Variants in FAF2 observed in about 807,000 individuals in gnomAD.
The protein encoded by FAF2 is FAS-associated factor 2.
A neutral mutation model predicts 62.3 loss-of-function variants in FAF2; 9 were observed. The ratio of observed to expected loss-of-function variants is 0.14; its 90% CI spans 0.09 to 0.25. The LOEUF (loss-of-function observed/expected upper bound fraction) is 0.25. Ranked by LOEUF, FAF2 falls within the 10% of genes least tolerant of loss-of-function variation. The pLI is 1.00. For synonymous variants in FAF2, 202 were observed against 198.0 expected (o/e 1.02, Z -0.17); for missense variants, 368 against 556.2 (o/e 0.66, Z 3.40).
At chr5:176,503,164 T>A (rs1755623054) in intron 10 of FAF2, among the ~76,000 whole-genome samples, 1 of 152,186 alleles carries the variant, frequency 6.6e-6, no homozygotes, top group East Asian at 1.9e-4. Flanking sequence ...AAGTGTGTAA[T>A]GTAGCAGTGC....
At chr5:176,467,129 C>CTTTTTTT (rs374702773) in intron 1 of FAF2, among the ~76,000 whole-genome samples, 1 of 94,046 alleles carries the variant, frequency 1.1e-5, no homozygotes, top group African/African-American at 4.5e-5. Context: ...TTTTTTTTTC[C>CTTTTTTT]TTTTTTTTTT....
intron 2 of FAF2, among the ~76,000 whole-genome samples, chr5:176,483,459 T>C (rs1370591109): frequency 1.3e-5 from 2 of 152,184 alleles, no homozygotes; most frequent in African/African-American, 2.4e-5. Context: ...GATCTAGGGG[T>C]TAATCCACTT....
intron 1 of FAF2, among the ~76,000 whole-genome samples, chr5:176,466,145 A>G (rs992861883): frequency 6.6e-6 from 1 of 152,210 alleles, no homozygotes. Context: ...TGTGAATAAT[A>G]AAGATCTGAG....
At chr5:176,467,499 C>T (rs140888284) in intron 1 of FAF2, among the ~76,000 whole-genome samples, 1,694 of 152,218 alleles carry the variant, frequency 0.011, 20 homozygotes, top group Non-Finnish European at 0.017. Context: ...ACCTGGCTAA[C>T]TTTTTTGTAT....
At chr5:176,491,866 A>G (rs1158939288) in intron 4 of FAF2, among the ~76,000 whole-genome samples, 1 of 152,202 alleles carries the variant, frequency 6.6e-6, no homozygotes, top group African/African-American at 2.4e-5. Flanking sequence ...AGCCTGACAC[A>G]TGATCTTTTT....
chr5:176,493,121 A>G (rs572690358), intron 5 of FAF2, among the ~76,000 whole-genome samples: 6 of 152,360 alleles, frequency 3.9e-5, no homozygotes, highest in Admixed American at 6.5e-5. Flanking sequence ...TGCTGTGGCA[A>G]TAGGCAAAAG....
At chr5:176,461,480 G>T (rs1758377086) in intron 1 of FAF2, among the ~76,000 whole-genome samples, 1 of 148,576 alleles carries the variant, frequency 6.7e-6, no homozygotes, top group African/African-American at 2.4e-5. Flanking sequence ...ACCACACTGG[G>T]CTAATTTTTT....
intron 1 of FAF2, among the ~76,000 whole-genome samples, chr5:176,450,744 G>A (rs1223044499): frequency 6.6e-6 from 1 of 152,046 alleles, no homozygotes; most frequent in Non-Finnish European, 1.5e-5. Context: ...TAGTAGAGAC[G>A]GGGTTTCACG....
intron 1 of FAF2, among the ~76,000 whole-genome samples, chr5:176,476,529 GGAAA>G (rs1440467490): frequency 6.6e-6 from 1 of 151,800 alleles, no homozygotes; most frequent in Non-Finnish European, 1.5e-5. Flanking sequence ...TCATAAGATA[GGAAA>G]CAATAGGCAC....
intron 2 of FAF2, 73 bp from the exon 3 acceptor site, chr5:176,486,282 T>C (rs1758874776): frequency 1.9e-6 from 3 of 1,585,504 alleles, no homozygotes; most frequent in Admixed American, 1.7e-5. Flanking sequence ...TACCACGCAA[T>C]AGTTGCCTCA....
Position 176,509,807 on chromosome 5 carries a change from A to C in FAF2, c.*2857A>C, listed in dbSNP as rs1755747760. 1 of 152,670 alleles carries C rather than the reference A, an allele frequency of 6.6e-6. No homozygotes were observed. Among genetic ancestry groups the C allele is most frequent in the African/African-American group, 2.4e-5 (1 of 41,470 alleles). The allele number at this position is 152,670 out of a possible 1,614,324, so 9.5% of individuals were successfully genotyped here. A position where few individuals can be genotyped will look rare whatever the true frequency, so the allele number is the denominator to read the frequency against. On this transcript the variant is annotated 3_prime_UTR_variant, in exon 11 of 11. Transcript: ENST00000261942. ...AAAGAGTTTCAGAAAATGACTGAGA[A>C]GGAGCGATAACCCCCAGAATGCAAA...
intron 4 of FAF2, among the ~76,000 whole-genome samples, chr5:176,490,629 G>A (rs985041120): frequency 1.3e-5 from 2 of 152,110 alleles, no homozygotes; most frequent in African/African-American, 2.4e-5. Flanking sequence ...TGTTTTATGA[G>A]GCTGTCTACT....
chr5:176,470,365 G>A (rs953587672), intron 1 of FAF2, among the ~76,000 whole-genome samples: 4 of 152,228 alleles, frequency 2.6e-5, no homozygotes, highest in African/African-American at 7.2e-5. Flanking sequence ...ATCACCTGAG[G>A]TCGGGAGTTC....
intron 1 of FAF2, among the ~76,000 whole-genome samples, chr5:176,474,061 A>G (rs1758619892): frequency 6.6e-6 from 1 of 152,298 alleles, no homozygotes; most frequent in East Asian, 1.9e-4. Flanking sequence ...TGCTACTGGG[A>G]TGTTGTGGCT....
At chr5:176,448,496 G>C (rs1313647813) in intron 1 of FAF2, 26 bp downstream of exon 1, 3 of 1,577,146 alleles carry the variant, frequency 1.9e-6, no homozygotes, top group African/African-American at 2.7e-5. Context: ...CGGTGCAGCA[G>C]ATGCCTCCGT....
chr5:176,482,487 A>G (rs1758798771), intron 2 of FAF2, among the ~76,000 whole-genome samples: 1 of 152,128 alleles, frequency 6.6e-6, no homozygotes, highest in South Asian at 2.1e-4. Context: ...TCCTGGAATT[A>G]CAGGCGTAAG....
At chr5:176,463,725 T>A (rs1274593879) in intron 1 of FAF2, among the ~76,000 whole-genome samples, 1 of 125,610 alleles carries the variant, frequency 8.0e-6, no homozygotes, top group Middle Eastern at 4.0e-3. Flanking sequence ...TTATTGCATG[T>A]TTTTTTTTTT....
At position 176,488,718 on chromosome 5, in the gene FAF2, G is replaced by A. The variant is rs550015442; in HGVS notation, c.268-233G>A. ...GATTACAGGCAGGAGATACAGCTCTGGACCTTAAAGCAGATTTAATACAAA... is the reference window on the plus strand; with the variant it reads ...GATTACAGGCAGGAGATACAGCTCTAGACCTTAAAGCAGATTTAATACAAA... On this transcript the variant is annotated intron_variant, in intron 3 of 10. Coordinates refer to ENST00000261942, the MANE Select transcript of FAF2 (RefSeq NM_014613.3). Among the ~76,000 whole-genome samples, 5 of 152,104 alleles carry A rather than the reference G, an allele frequency of 3.3e-5. No homozygotes were observed. The East Asian group carries it at 9.7e-4, about 29-fold the overall frequency.
At chr5:176,481,532 C>T (rs1188453447) in intron 2 of FAF2, among the ~76,000 whole-genome samples, 1 of 152,026 alleles carries the variant, frequency 6.6e-6, no homozygotes, top group African/African-American at 2.4e-5. Flanking sequence ...TGGTGGGCGC[C>T]TGTAGTCCCA....
Sources: gnomAD v4.1 joint callset for allele counts (sites outside exome capture counted in the v4.1 genomes callset) on GRCh38, gnomAD v4.1.1 for gene constraint, MANE v1.5 for transcripts, NCBI Gene and HGNC (gene_info 2026-07-23, HGNC 2026-07-21) for gene names.